ZNF792: variants seen among roughly 807,000 people sequenced by gnomAD.
ZNF792 encodes the protein zinc finger protein 792.
ZNF792 carries 14 observed loss-of-function variants against 13.1 expected under a neutral mutation model. The observed-to-expected ratio is 1.07, with a 90% CI of 0.71 to 1.67. The LOEUF (loss-of-function observed/expected upper bound fraction) is 1.67, where lower values mean the gene tolerates loss of function less well. Among genes scored for constraint, ZNF792 ranks in the 40% most tolerant of loss-of-function variants. The pLI, the probability that ZNF792 is intolerant of heterozygous loss-of-function variation, is 0.00. For synonymous variants in ZNF792, 257 were observed against 292.0 expected, an observed-to-expected ratio of 0.88 and a Z score of 1.22; for missense variants, 740 against 807.9, an observed-to-expected ratio of 0.92 and a Z score of 1.02.
chr19:34,957,988 G>A lies in ZNF792; in HGVS notation c.1867C>T (p.His623Tyr). Reference sequence around the variant, plus strand: ...ACCTCCCCAGGGTGGGTACTTGGATGAACAAGTTTCAACTTGTAGTTGACA... The same window carrying A: ...ACCTCCCCAGGGTGGGTACTTGGATAAACAAGTTTCAACTTGTAGTTGACA... The part of the protein sequence containing the change: ...GAVNYKLKLV[H>Y]PSTHPGEVP Residue 623 changes from histidine to tyrosine, a missense_variant, in exon 4 of 4, where the codon CAT (histidine) becomes TAT (tyrosine). His to Tyr is a moderately conservative substitution (Grantham distance 83). Coordinates refer to ENST00000404801, the MANE Select transcript of ZNF792 (RefSeq NM_175872.5). 1 of 1,611,804 alleles carries A rather than the reference G, an allele frequency of 6.2e-7. No homozygotes were observed. Among genetic ancestry groups the A allele is most frequent in the South Asian group, 1.1e-5 (1 of 90,662 alleles).
Position 34,963,648 on chromosome 19 carries a change from C to T in ZNF792, c.15G>A (p.Ala5=), listed in dbSNP as rs1462312398. 6.2e-6 allele frequency: 10 copies of T among 1,601,552 alleles called. No individual in the cohort carries two copies. Among genetic ancestry groups the T allele is most frequent in the Non-Finnish European group, 8.5e-6 (10 of 1,175,292 alleles). The change falls in exon 1 of 4, where the codon GCG becomes GCA. Residue 5 remains alanine (A), a synonymous_variant. Transcript: ENST00000404801. The part of the protein sequence containing the change: MAAA[A]LRDPAQGCVT... ...CACTCACCTGCGCGGGGTCCCGCAG[C>T]GCCGCCGCTGCCATCGGAGTCTGTG... is the stretch of plus-strand genomic sequence containing the variant.
At position 34,963,863 on chromosome 19, in the gene ZNF792, G is replaced by C; in HGVS notation, c.-201C>G. ...GGGGCGCAGGCTCCGGGGGCGCCGAGAGCGCGCAGCTCCGCTGGGTACCCC... is the reference window on the plus strand; with the variant it reads ...GGGGCGCAGGCTCCGGGGGCGCCGACAGCGCGCAGCTCCGCTGGGTACCCC... On this transcript the variant is annotated 5_prime_UTR_variant, in exon 1 of 4. Coordinates refer to ENST00000404801, the MANE Select transcript of ZNF792 (RefSeq NM_175872.5). 1 of 601,544 alleles carries C rather than the reference G, an allele frequency of 1.7e-6. No homozygotes were observed. The highest frequency in any genetic ancestry group is 2.8e-6 in the Non-Finnish European group (1 of 359,650). 37.3% of individuals were successfully genotyped at this position (601,544 alleles called of 1,614,324 possible). A position where few individuals can be genotyped will look rare whatever the true frequency, so the allele number is the denominator to read the frequency against.
chr19:34,961,266 T>A (rs1568553030), intron 1 of ZNF792, among the ~76,000 whole-genome samples: 1 of 152,110 alleles, frequency 6.6e-6, no homozygotes, highest in Non-Finnish European at 1.5e-5. Context: ...GCTTCTCAGA[T>A]ACAAATGTGG....
chr19:34,961,916 C>T (rs1196208800), intron 1 of ZNF792, among the ~76,000 whole-genome samples: 1 of 152,142 alleles, frequency 6.6e-6, no homozygotes, highest in Non-Finnish European at 1.5e-5. Context: ...AATATTACCT[C>T]CTCTACTGCT....
Position 34,960,308 on chromosome 19 carries a change from T to C in ZNF792, c.210A>G (p.Lys70=). 3 of 1,613,744 alleles carry C rather than the reference T, an allele frequency of 1.9e-6. No homozygotes were observed. The highest frequency in any genetic ancestry group is 2.5e-6 in the Non-Finnish European group (3 of 1,179,756). ...CCACACTGTCAGGCACCCAGGGCTC[T>C]TTCCCCATCTCCAACTGGGAAACGA... ...SHIVSQLEMG[K]EPWVPDSVDM... Residue 70 remains lysine, a synonymous_variant, in exon 3 of 4, where the codon AAA becomes AAG. Transcript: ENST00000404801.
At chr19:34,960,410 C>T in intron 2 of ZNF792, 53 bp from the exon 3 acceptor site, 2 of 1,593,642 alleles carry the variant, frequency 1.3e-6, no homozygotes, top group Non-Finnish European at 1.7e-6. Context: ...GTTGAACTAC[C>T]CCATGATAGA....
At chr19:34,960,499 T>G in intron 2 of ZNF792, 142 bp from the exon 3 acceptor site, 1 of 1,056,778 alleles carries the variant, frequency 9.5e-7, no homozygotes, top group South Asian at 1.6e-5. Flanking sequence ...TGATTGGAAT[T>G]CCTGGCACAG....
chr19:34,958,941 T>C lies in ZNF792; in HGVS notation c.914A>G (p.Asn305Ser), dbSNP rs1308038406. ...ACAGCACTCATACGGTTTTCCTCTATTGTGAACTTTCTGGTGTTGAGTGAG... is the reference window on the plus strand; with the variant it reads ...ACAGCACTCATACGGTTTTCCTCTACTGTGAACTTTCTGGTGTTGAGTGAG... ...ADLTQHQKVH[N>S]RGKPYECCEC... The change falls in exon 4 of 4, where the codon AAT becomes AGT. Residue 305 changes from asparagine (N) to serine (S), a missense_variant. Coordinates refer to ENST00000404801, the MANE Select transcript of ZNF792 (RefSeq NM_175872.5). 1 of 1,613,956 alleles carries C rather than the reference T, an allele frequency of 6.2e-7. No individual in the cohort carries two copies. The highest frequency in any genetic ancestry group is 1.3e-5 in the African/African-American group (1 of 74,928).
chr19:34,957,271 G>A lies in ZNF792; in HGVS notation c.*685C>T, dbSNP rs1600241679. 6.6e-6 allele frequency: 1 copy of A among 152,208 alleles called. No homozygotes were observed. Among genetic ancestry groups the A allele is most frequent in the South Asian group, 2.1e-4 (1 of 4,824 alleles). 9.4% of individuals were successfully genotyped at this position (152,208 alleles called of 1,614,324 possible). A position where few individuals can be genotyped will look rare whatever the true frequency, so the allele number is the denominator to read the frequency against. Reference sequence around the variant, plus strand: ...CCCCCTCCTCGGGATAAAAATTCACGCCATTCAGACCACAATATTATACCC... The same window carrying A: ...CCCCCTCCTCGGGATAAAAATTCACACCATTCAGACCACAATATTATACCC... On this transcript the variant is annotated 3_prime_UTR_variant, in exon 4 of 4. Transcript: ENST00000404801.
chr19:34,962,120 CTCTT>C (rs1418198516), intron 1 of ZNF792, among the ~76,000 whole-genome samples: 3 of 148,134 alleles, frequency 2.0e-5, no homozygotes, highest in Non-Finnish European at 4.5e-5. Context: ...CCCCACCTTC[CTCTT>C]TTTTTTAACA....
Position 34,959,040 on chromosome 19 carries a change from T to G in ZNF792, c.815A>C (p.His272Pro), listed in dbSNP as rs1014540328. 1 of 1,614,176 alleles carries G rather than the reference T, an allele frequency of 6.2e-7. No individual in the cohort carries two copies. The highest frequency in any genetic ancestry group is 8.5e-7 in the Non-Finnish European group (1 of 1,179,980). ...CCTTTCTCTGCTGTGGATTCTCTGG[T>G]GCTGAACAAGAGTGGATTTGTTATT... The part of the protein sequence containing the change: ...AFNNKSTLVQ[H>P]QRIHSRERPY... The change falls in exon 4 of 4, where the codon CAC (histidine) becomes CCC (proline). Residue 272 changes from histidine (H) to proline (P), a missense_variant. Transcript: ENST00000404801.
chr19:34,957,471 A>G lies in ZNF792; in HGVS notation c.*485T>C, dbSNP rs1248805140. 6.4e-6 allele frequency: 1 copy of G among 155,966 alleles called. No individual in the cohort carries two copies. The highest frequency in any genetic ancestry group is 2.4e-5 in the African/African-American group (1 of 41,488). The allele number at this position is 155,966 out of a possible 1,614,324, so 9.7% of individuals were successfully genotyped here. On this transcript the variant is annotated 3_prime_UTR_variant, in exon 4 of 4. Coordinates refer to ENST00000404801, the MANE Select transcript of ZNF792 (RefSeq NM_175872.5). ...AACCACCCCACACAGTGATCAGAACATGGAAGACTAAAGGCGGCTTTATCA... is the reference window on the plus strand; with the variant it reads ...AACCACCCCACACAGTGATCAGAACGTGGAAGACTAAAGGCGGCTTTATCA...
chr19:34,959,178 A>G lies in ZNF792; in HGVS notation c.677T>C (p.Leu226Pro), dbSNP rs1389847120. 1 of 1,614,046 alleles carries G rather than the reference A, an allele frequency of 6.2e-7. No individual in the cohort carries two copies. Among genetic ancestry groups the G allele is most frequent in the Non-Finnish European group, 8.5e-7 (1 of 1,179,896 alleles). ...ATCGCTGGGAGTGACCTCACACTGC[A>G]GAAACCCTGCTGTGGCCACAAAGTC... ...GKDFVATAGFLQCEVTPSDGE... is the reference protein window; with the variant it reads ...GKDFVATAGFPQCEVTPSDGE... Residue 226 changes from leucine (L) to proline (P), a missense_variant, in exon 4 of 4, where the codon CTG (leucine) becomes CCG (proline). Transcript: ENST00000404801.
chr19:34,960,585 C>T, intron 2 of ZNF792: 1 of 694,998 alleles, frequency 1.4e-6, no homozygotes, highest in Non-Finnish European at 2.4e-6. Flanking sequence ...GATAATCACC[C>T]AGGAGGGAAT....
At position 34,960,321 on chromosome 19, in the gene ZNF792, A is replaced by G; in HGVS notation, c.197T>C (p.Leu66Ser). 1 of 1,613,642 alleles carries G rather than the reference A, an allele frequency of 6.2e-7. No individual in the cohort carries two copies. The highest frequency in any genetic ancestry group is 8.5e-7 in the Non-Finnish European group (1 of 1,179,744). Residue 66 changes from leucine to serine, a missense_variant, in exon 3 of 4, where the codon TTG becomes TCG. Physicochemically the swap from Leu to Ser is moderately radical, Grantham distance 145. Transcript: ENST00000404801. Reference sequence around the variant, plus strand: ...CACCCAGGGCTCTTTCCCCATCTCCAACTGGGAAACGATGTGGGACCTGAA... The same window carrying G: ...CACCCAGGGCTCTTTCCCCATCTCCGACTGGGAAACGATGTGGGACCTGAA... Reference protein sequence around the residue: ...ISFRSHIVSQLEMGKEPWVPD... With the variant: ...ISFRSHIVSQSEMGKEPWVPD...
rs1274813979 is a variant in ZNF792, at chr19:34,959,234, A to G, written c.621T>C (p.Asp207=). 1 of 1,613,972 alleles carries G rather than the reference A, an allele frequency of 6.2e-7. No individual in the cohort carries two copies. Among genetic ancestry groups the G allele is most frequent in the Non-Finnish European group, 8.5e-7 (1 of 1,179,898 alleles). ...PVKTCRDHTS[D]QLSTCREGGK... is the part of the protein sequence containing the mutation. ...CACCCTCCCTGCAGGTGGAAAGCTG[A>G]TCTGATGTGTGGTCTCTGCAGGTCT... Residue 207 remains aspartate (D), a synonymous_variant, in exon 4 of 4, where the codon GAT becomes GAC. Coordinates refer to ENST00000404801, the MANE Select transcript of ZNF792 (RefSeq NM_175872.5).
Position 34,960,232 on chromosome 19 carries a change from TAC to T in ZNF792, c.283+1_283+2del. The T allele has an allele frequency of 6.2e-7, 1 of 1,613,480 alleles. No homozygotes were observed. The highest frequency in any genetic ancestry group is 8.5e-7 in the Non-Finnish European group (1 of 1,179,486). ...TCCTCCCCTAGCTCCCATCGCTGCT[TAC>T]CAGAGCCAGGCCTGCCATAAGCCCC... On this transcript the variant is annotated splice_donor_variant, in intron 3 of 3. Coordinates refer to ENST00000404801, the MANE Select transcript of ZNF792 (RefSeq NM_175872.5). LOFTEE classifies it high-confidence loss of function.
At chr19:34,963,020 T>C (rs941642808) in intron 1 of ZNF792, among the ~76,000 whole-genome samples, 1 of 152,190 alleles carries the variant, frequency 6.6e-6, no homozygotes, top group South Asian at 2.1e-4. Context: ...TCACTTCCTC[T>C]ACCTCCAGTC....
rs371492902 is a variant in ZNF792 at position 34,958,179 on chromosome 19, T to A, written c.1676A>T (p.Asp559Val). The A allele has an allele frequency of 6.2e-7, 1 of 1,611,882 alleles. No homozygotes were observed. Reference protein sequence around the residue: ...LRQHLKVHKPDRPYECSECGK... With the variant: ...LRQHLKVHKPVRPYECSECGK... Reference sequence around the variant, plus strand: ...ACATTCGCTGCATTCGTAAGGCCTGTCTGGTTTGTGAACTTTCAGGTGCTG... The same window carrying A: ...ACATTCGCTGCATTCGTAAGGCCTGACTGGTTTGTGAACTTTCAGGTGCTG... The change falls in exon 4 of 4, where the codon GAC (aspartate) becomes GTC (valine). Residue 559 changes from aspartate to valine, a missense_variant. Coordinates refer to ENST00000404801, the MANE Select transcript of ZNF792 (RefSeq NM_175872.5).
Sources: gnomAD v4.1 joint callset for allele counts (sites outside exome capture counted in the v4.1 genomes callset) on GRCh38, gnomAD v4.1.1 for gene constraint, MANE v1.5 for transcripts, NCBI Gene and HGNC (gene_info 2026-07-23, HGNC 2026-07-21) for gene names.